The following SH3RF3 variants were observed in gnomAD, a reference collection of about 807,000 sequenced individuals.
SH3RF3 encodes the protein SH3 domain containing ring finger 3.
Under a neutral mutation model 66.3 loss-of-function variants are expected in SH3RF3, and 29 were observed. The ratio of observed to expected loss-of-function variants is 0.44; its 90% CI spans 0.33 to 0.60. The LOEUF (loss-of-function observed/expected upper bound fraction) is 0.60. SH3RF3 is among the 20% of genes least tolerant of loss of function. The pLI is 0.04. For missense variants in SH3RF3, 1,194 were observed against 1,190.9 expected, an observed-to-expected ratio of 1.00 and a Z score of -0.04; for synonymous variants, 583 against 532.0, an observed-to-expected ratio of 1.10 and a Z score of -1.32.
At chr2:109,167,505 T>C (rs1200708231) in intron 1 of SH3RF3, among the ~76,000 whole-genome samples, 1 of 152,200 alleles carries the variant, frequency 6.6e-6, no homozygotes, top group Admixed American at 6.5e-5. Flanking sequence ...TGTTTTACAT[T>C]GTATTTCCCC....
chr2:109,273,746 T>C (rs1329977784), intron 1 of SH3RF3, among the ~76,000 whole-genome samples: 1 of 152,166 alleles, frequency 6.6e-6, no homozygotes, highest in Non-Finnish European at 1.5e-5. Context: ...TAGAAGGTCA[T>C]AGATGTCCCT....
At chr2:109,495,805 T>G (rs558125686) in intron 9 of SH3RF3, among the ~76,000 whole-genome samples, 49 of 152,338 alleles carry the variant, frequency 3.2e-4, no homozygotes, top group African/African-American at 1.2e-3. Flanking sequence ...TTCTTCATTT[T>G]TATAGTCCTA....
At chr2:109,133,122 T>C (rs1202856112) in intron 1 of SH3RF3, among the ~76,000 whole-genome samples, 1 of 152,210 alleles carries the variant, frequency 6.6e-6, no homozygotes, top group East Asian at 1.9e-4. Context: ...TCTGCCCAGC[T>C]CTCAGAAGGT....
At chr2:109,496,160 C>A (rs1274619723) in intron 9 of SH3RF3, among the ~76,000 whole-genome samples, 1 of 152,220 alleles carries the variant, frequency 6.6e-6, no homozygotes, top group Non-Finnish European at 1.5e-5. Context: ...TGATTGGCTA[C>A]TTTTAGGATC....
chr2:109,361,701 C>T (rs1461942593), intron 2 of SH3RF3, among the ~76,000 whole-genome samples: 2 of 152,160 alleles, frequency 1.3e-5, no homozygotes, highest in Non-Finnish European at 2.9e-5. Context: ...GTCTTGAACT[C>T]CTGACTTCAA....
intron 4 of SH3RF3, among the ~76,000 whole-genome samples, chr2:109,415,141 G>A (rs954846050): frequency 1.1e-5 from 1 of 90,048 alleles, no homozygotes; most frequent in Non-Finnish European, 2.1e-5. Context: ...AAGCTGCAAA[G>A]GCAGGGAATT....
At chr2:109,477,483 C>G (rs1162844992) in intron 8 of SH3RF3, among the ~76,000 whole-genome samples, 2 of 152,230 alleles carry the variant, frequency 1.3e-5, no homozygotes, top group Non-Finnish European at 2.9e-5. Context: ...CTGAGAGGCC[C>G]CCTCCCGCCA....
intron 7 of SH3RF3, among the ~76,000 whole-genome samples, chr2:109,444,369 T>A (rs1031206432): frequency 7.2e-5 from 11 of 152,238 alleles, no homozygotes; most frequent in African/African-American, 2.7e-4. Context: ...AATAGCCAAG[T>A]GCTGAAGCAC....
At chr2:109,236,952 A>G (rs766934746) in intron 1 of SH3RF3, among the ~76,000 whole-genome samples, 9 of 152,234 alleles carry the variant, frequency 5.9e-5, no homozygotes, top group East Asian at 3.8e-4. Flanking sequence ...AGAAATTTCA[A>G]CTGGCCTAAG....
intron 1 of SH3RF3, among the ~76,000 whole-genome samples, chr2:109,227,942 C>T (rs577136524): frequency 1.6e-4 from 25 of 152,312 alleles, no homozygotes; most frequent in Non-Finnish European, 2.6e-4. Context: ...CCCAAACAAA[C>T]GTGCATTGGT....
intron 2 of SH3RF3, among the ~76,000 whole-genome samples, chr2:109,353,668 T>C (rs936596684): frequency 2.0e-5 from 3 of 152,204 alleles, no homozygotes; most frequent in African/African-American, 7.2e-5. Flanking sequence ...ACTCTTCAGA[T>C]GTTTATCAAC....
intron 1 of SH3RF3, among the ~76,000 whole-genome samples, chr2:109,318,149 A>C (rs934832511): frequency 6.6e-6 from 1 of 151,712 alleles, no homozygotes; most frequent in Admixed American, 6.6e-5. Flanking sequence ...AGGGACATTG[A>C]GAGACTAGAA....
intron 1 of SH3RF3, among the ~76,000 whole-genome samples, chr2:109,177,580 A>T (rs757417255): frequency 1.7e-4 from 26 of 152,066 alleles, no homozygotes; most frequent in Non-Finnish European, 3.7e-4. Flanking sequence ...CAAAGTTAGT[A>T]TCAGTGGTCC....
intron 5 of SH3RF3, among the ~76,000 whole-genome samples, chr2:109,430,507 C>T (rs1251054955): frequency 6.6e-6 from 1 of 151,978 alleles, no homozygotes. Context: ...CCCATCCTCT[C>T]CCCATCTCCT....
rs1679480312 is a variant in SH3RF3, at chr2:109,504,503, AAAC to A, written c.*2834_*2836del. ...TGTACTTTGCACAGTTCACACACAC[AAAC>A]ACACACACCCTATCCCAAGTGTTTT... On this transcript the variant is annotated 3_prime_UTR_variant, in exon 10 of 10. Transcript: ENST00000309415. 1 of 101,352 alleles carries A rather than the reference AAAC, an allele frequency of 9.9e-6. No individual in the cohort carries two copies. Among genetic ancestry groups the A allele is most frequent in the Non-Finnish European group, 2.7e-5 (1 of 36,660 alleles). The allele number at this position is 101,352 out of a possible 1,614,324, so 6.3% of individuals were successfully genotyped here.
chr2:109,480,396 G>A (rs1678806034), intron 8 of SH3RF3, among the ~76,000 whole-genome samples: 1 of 152,192 alleles, frequency 6.6e-6, no homozygotes, highest in South Asian at 2.1e-4. Context: ...GTGCATGGCT[G>A]GTGAGTAGTG....
At chr2:109,412,590 C>G (rs1293384233) in intron 4 of SH3RF3, among the ~76,000 whole-genome samples, 1 of 152,228 alleles carries the variant, frequency 6.6e-6, no homozygotes, top group East Asian at 1.9e-4. Context: ...GCTGCAGGGT[C>G]ACCCCTGCCC....
intron 1 of SH3RF3, among the ~76,000 whole-genome samples, chr2:109,277,615 G>T (rs1680786228): frequency 6.6e-6 from 1 of 152,178 alleles, no homozygotes; most frequent in Admixed American, 6.5e-5. Flanking sequence ...CGCGTGCGTA[G>T]CTCAGAACTG....
At chr2:109,176,574 A>G (rs72946105) in intron 1 of SH3RF3, among the ~76,000 whole-genome samples, 4,193 of 152,284 alleles carry the variant, frequency 0.028, 176 homozygotes, top group African/African-American at 0.094. Flanking sequence ...CCTACAAAAA[A>G]TTAAAATAAA....
Sources: allele counts gnomAD v4.1 joint callset (sites outside exome capture counted in the v4.1 genomes callset), GRCh38; gene constraint gnomAD v4.1.1; transcripts MANE v1.5; gene names NCBI Gene and HGNC (gene_info 2026-07-23, HGNC 2026-07-21).